TCEA3: variants seen among roughly 807,000 people sequenced by gnomAD.
The protein encoded by TCEA3 is transcription elongation factor A protein 3.
Under a neutral mutation model 44.0 loss-of-function variants are expected in TCEA3, and 36 were observed. That is an observed-to-expected ratio of 0.82 (90% CI 0.63 to 1.08). The LOEUF (loss-of-function observed/expected upper bound fraction) is 1.08. Ranked by LOEUF, TCEA3 falls within the 50% of genes least tolerant of loss-of-function variation. TCEA3 has a pLI of 0.00. For synonymous variants in TCEA3, 162 were observed against 159.7 expected (o/e 1.01, Z -0.11); for missense variants, 392 against 441.2 (o/e 0.89, Z 1.00).
chr1:23,410,277 G>A (rs1389620367), intron 4 of TCEA3, among the ~76,000 whole-genome samples: 2 of 152,010 alleles, frequency 1.3e-5, no homozygotes, highest in African/African-American at 2.4e-5. Flanking sequence ...TGGGAGAGGG[G>A]AGAGAAGACA....
chr1:23,416,881 T>C (rs1639906739), intron 4 of TCEA3, among the ~76,000 whole-genome samples: 1 of 152,240 alleles, frequency 6.6e-6, no homozygotes, highest in Non-Finnish European at 1.5e-5. Context: ...GTGAGGCTTA[T>C]ACCCGCTGTG....
intron 5 of TCEA3, among the ~76,000 whole-genome samples, chr1:23,400,063 C>T (rs1639352578): frequency 6.6e-6 from 1 of 152,136 alleles, no homozygotes; most frequent in South Asian, 2.1e-4. Flanking sequence ...GCAGCTGGAG[C>T]GTGAGGGTGA....
intron 8 of TCEA3, among the ~76,000 whole-genome samples, chr1:23,388,333 G>A (rs1202490442): frequency 3.3e-5 from 5 of 151,850 alleles, no homozygotes; most frequent in Admixed American, 1.3e-4. Flanking sequence ...GAGTAGCTGG[G>A]ACTACAGGCT....
At position 23,393,861 on chromosome 1, in the gene TCEA3, C is replaced by T; in HGVS notation, c.819+18G>A. 1 of 1,610,726 alleles carries T rather than the reference C, an allele frequency of 6.2e-7. No individual in the cohort carries two copies. The highest frequency in any genetic ancestry group is 1.1e-5 in the South Asian group (1 of 90,994). ...GGACCTGGCTTCCTGCCTCACCATG[C>T]AGATGCCCTGCTCTCACCTCTGCCG... On this transcript the variant is annotated intron_variant, in intron 8 of 10. Coordinates refer to ENST00000450454, the MANE Select transcript of TCEA3 (RefSeq NM_003196.3).
At chr1:23,412,229 G>C (rs1038679656) in intron 4 of TCEA3, 1 of 151,934 alleles carries the variant, frequency 6.6e-6, no homozygotes, top group African/African-American at 2.4e-5. Context: ...AGTTCCTAAG[G>C]ACAAAAATTC....
In TCEA3 at chr1:23,387,498, A is replaced by T. The variant is rs899298137; in HGVS notation, c.820-79T>A. The T allele has an allele frequency of 2.7e-5, 39 of 1,459,822 alleles. 1 individual carries two copies. Among genetic ancestry groups the T allele is most frequent in the Admixed American group, 1.9e-4 (8 of 41,852 alleles). 90.4% of individuals were successfully genotyped at this position (1,459,822 alleles called of 1,614,324 possible). A position where few individuals can be genotyped will look rare whatever the true frequency, so the allele number is the denominator to read the frequency against. On this transcript the variant is annotated intron_variant, in intron 8 of 10. Coordinates refer to ENST00000450454, the MANE Select transcript of TCEA3 (RefSeq NM_003196.3). ...CTACACCCGGTTTCTAGAAAGCCTG[A>T]ACAGAAAAGGAGGTAACATGCTTTA...
chr1:23,420,562 T>A (rs1163727761), intron 1 of TCEA3, among the ~76,000 whole-genome samples: 1 of 152,200 alleles, frequency 6.6e-6, no homozygotes, highest in Admixed American at 6.5e-5. Flanking sequence ...TGTTTTAAAT[T>A]CATTCACCGG....
chr1:23,389,198 T>C (rs966113803), intron 8 of TCEA3, among the ~76,000 whole-genome samples: 35 of 152,098 alleles, frequency 2.3e-4, no homozygotes, highest in Admixed American at 3.3e-4. Flanking sequence ...TCAAAATTTA[T>C]TGGATGTGGC....
At chr1:23,384,260 C>A in intron 10 of TCEA3, 86 bp downstream of exon 10, 2 of 1,607,748 alleles carry the variant, frequency 1.2e-6, no homozygotes, top group Non-Finnish European at 1.7e-6. Flanking sequence ...ATGCACAAGG[C>A]CCCTTCTGGG....
At position 23,419,129 on chromosome 1, in the gene TCEA3, AG is replaced by A; in HGVS notation, c.79del (p.Leu27TrpfsTer4). 6.3e-7 allele frequency: 1 copy of A among 1,585,918 alleles called. No homozygotes were observed. The highest frequency in any genetic ancestry group is 8.6e-7 in the Non-Finnish European group (1 of 1,166,418). On this transcript the variant is annotated frameshift_variant, in exon 2 of 11. Transcript: ENST00000450454. LOFTEE classifies it high-confidence loss of function. ...GCTGTGCAGCTTCTTCAGAAGGTCCAGGGCCCCTTCCTGTGGGAGGCCACAA... is the reference window on the plus strand; with the variant it reads ...GCTGTGCAGCTTCTTCAGAAGGTCCAGGCCCCTTCCTGTGGGAGGCCACAA... ...MVARKNTEGA[L>X]DLLKKLHSCQ...
rs1639626001 is a variant in TCEA3, at chr1:23,408,739, A to T, written c.381-13T>A. The T allele has an allele frequency of 2.5e-6, 4 of 1,598,998 alleles. No homozygotes were observed. Among genetic ancestry groups the T allele is most frequent in the Non-Finnish European group, 3.4e-6 (4 of 1,172,262 alleles). On this transcript the variant is annotated splice_polypyrimidine_tract_variant and intron_variant, in intron 4 of 10. Transcript: ENST00000450454. ...CACAGAGTCTCTCCTGAAAGAAGAA[A>T]ATTGGCAAGGAGACTGCTTTGTAGA...
intron 5 of TCEA3, among the ~76,000 whole-genome samples, chr1:23,402,160 C>T (rs1320296658): frequency 4.6e-5 from 7 of 152,078 alleles, no homozygotes; most frequent in African/African-American, 1.7e-4. Flanking sequence ...GCCAACATGG[C>T]GAAACACTGT....
intron 1 of TCEA3, among the ~76,000 whole-genome samples, chr1:23,422,564 G>A (rs932395762): frequency 1.3e-5 from 2 of 152,056 alleles, no homozygotes; most frequent in Admixed American, 6.6e-5. Context: ...ACTGCTGGGC[G>A]GGTCCACTTT....
intron 1 of TCEA3, among the ~76,000 whole-genome samples, chr1:23,420,080 C>T (rs1408644657): frequency 6.6e-6 from 1 of 152,164 alleles, no homozygotes; most frequent in African/African-American, 2.4e-5. Context: ...CTATAGTTGA[C>T]CTTGTATCTT....
chr1:23,393,998 AC>A lies in TCEA3; in HGVS notation c.699del (p.Lys233AsnfsTer10), dbSNP rs769709955. The A allele has an allele frequency of 6.8e-6, 11 of 1,613,924 alleles. 1 individual carries two copies. The East Asian group carries it at 2.4e-4, about 36-fold the overall frequency. ...IYQELKSTDM[K>X]YRNRVRSRIS... ...ATGCGGCTGCGCACGCGGTTCCGGTACTTCATGTCCGTGCTCTTGAGCTCTT... is the reference window on the plus strand; with the variant it reads ...ATGCGGCTGCGCACGCGGTTCCGGTATTCATGTCCGTGCTCTTGAGCTCTT... On this transcript the variant is annotated frameshift_variant, in exon 8 of 11. Transcript: ENST00000450454. LOFTEE classifies it high-confidence loss of function.
chr1:23,399,146 A>ATATG (rs1639313883), intron 5 of TCEA3, among the ~76,000 whole-genome samples: 3 of 89,536 alleles, frequency 3.4e-5, no homozygotes, highest in African/African-American at 2.3e-4. Flanking sequence ...GTATATATGT[A>ATATG]TATATATATA....
chr1:23,389,653 A>G (rs2148547857), intron 8 of TCEA3, among the ~76,000 whole-genome samples: 1 of 152,310 alleles, frequency 6.6e-6, no homozygotes, highest in African/African-American at 2.4e-5. Flanking sequence ...CCGTCTCAAA[A>G]AACAAAAACA....
In TCEA3 at chr1:23,417,311, T is replaced by G. The variant is rs1639920851; in HGVS notation, c.318A>C (p.Ser106=). ...AKKKEKGLEC[S]DWKPEAGLSP... Reference sequence around the variant, plus strand: ...AAAGGCCTGCTTCTGGCTTCCAGTCTGAACACTCAAGCCCTTTTTCCTTCT... The same window carrying G: ...AAAGGCCTGCTTCTGGCTTCCAGTCGGAACACTCAAGCCCTTTTTCCTTCT... The change falls in exon 4 of 11, where the codon TCA becomes TCC. Residue 106 remains serine, a synonymous_variant. Transcript: ENST00000450454. The G allele has an allele frequency of 6.2e-7, 1 of 1,613,952 alleles. No homozygotes were observed. The highest frequency in any genetic ancestry group is 8.5e-7 in the Non-Finnish European group (1 of 1,179,904).
intron 4 of TCEA3, 26 bp from the exon 5 acceptor site, chr1:23,408,752 A>G (rs1313266367): frequency 1.9e-6 from 3 of 1,573,556 alleles, no homozygotes; most frequent in Non-Finnish European, 2.6e-6. Context: ...TGGCAAGGAG[A>G]CTGCTTTGTA....
Sources: allele counts gnomAD v4.1 joint callset (sites outside exome capture counted in the v4.1 genomes callset), GRCh38; gene constraint gnomAD v4.1.1; transcripts MANE v1.5; gene names NCBI Gene and HGNC (gene_info 2026-07-23, HGNC 2026-07-21).